SPSB2: variants seen among roughly 807,000 people sequenced by gnomAD.
The protein encoded by SPSB2 is SPRY domain-containing SOCS box protein 2.
In SPSB2, 25 loss-of-function variants were observed where a neutral mutation model predicts 19.2. That is an observed-to-expected ratio of 1.30 (90% CI 0.95 to 1.82). The LOEUF (loss-of-function observed/expected upper bound fraction) is 1.82, where lower values mean the gene tolerates loss of function less well. Among genes scored for constraint, SPSB2 ranks in the 40% most tolerant of loss-of-function variants. The pLI is 0.00. For missense variants in SPSB2, 413 were observed against 344.9 expected, an observed-to-expected ratio of 1.20 and a Z score of -1.56; for synonymous variants, 153 against 154.9, an observed-to-expected ratio of 0.99 and a Z score of 0.09.
At chr12:6,871,656 C>T in intron 2 of SPSB2, 1 of 397,434 alleles carries the variant, frequency 2.5e-6, no homozygotes, top group Non-Finnish European at 4.6e-6. Context: ...GCCCACACAA[C>T]TGCAGAGAGC....
rs1944623777 is a variant in SPSB2 at position 6,872,713 on chromosome 12, C to CCGCCG, written c.188_189insCGGCG (p.Leu64GlyfsTer36). ...CCACGGGCCGCCGCTCAAAGTACAA[C>CCGCCG]CCTCCTTCCTTGACCTCGATGTTCT... On this transcript the variant is annotated frameshift_variant, in exon 2 of 3. Transcript: ENST00000524270. LOFTEE classifies it high-confidence loss of function. 1 of 1,612,978 alleles carries CCGCCG rather than the reference C, an allele frequency of 6.2e-7. No individual in the cohort carries two copies. Among genetic ancestry groups the CCGCCG allele is most frequent in the East Asian group, 2.2e-5 (1 of 44,892 alleles).
At chr12:6,871,391 C>T in intron 2 of SPSB2, 72 bp from the exon 3 acceptor site, 1 of 1,506,798 alleles carries the variant, frequency 6.6e-7, no homozygotes, top group Non-Finnish European at 9.0e-7. Context: ...CTACGGGGTC[C>T]TACTCAGATG....
At position 6,872,675 on chromosome 12, in the gene SPSB2, T is replaced by C; in HGVS notation, c.227A>G (p.Asp76Gly). The C allele has an allele frequency of 6.2e-7, 1 of 1,612,578 alleles. No homozygotes were observed. The highest frequency in any genetic ancestry group is 8.5e-7 in the Non-Finnish European group (1 of 1,179,990). Reference protein sequence around the residue: ...FERRPVAQSTDGARGKRGYSR... With the variant: ...FERRPVAQSTGGARGKRGYSR... ...ATAGCCCCTCTTACCCCGGGCCCCATCAGTGCTCTGGGCCACGGGCCGCCG... is the reference window on the plus strand; with the variant it reads ...ATAGCCCCTCTTACCCCGGGCCCCACCAGTGCTCTGGGCCACGGGCCGCCG... The change falls in exon 2 of 3, where the codon GAT (aspartate) becomes GGT (glycine). Residue 76 changes from aspartate (D) to glycine (G), a missense_variant. Transcript: ENST00000524270.
rs1323798255 is a variant in SPSB2 at position 6,872,528 on chromosome 12, C to T, written c.374G>A (p.Gly125Asp). 1.2e-6 allele frequency: 2 copies of T among 1,611,398 alleles called. No homozygotes were observed. The highest frequency in any genetic ancestry group is 2.7e-5 in the African/African-American group (2 of 74,944). The change falls in exon 2 of 3, where the codon GGC becomes GAC. Residue 125 changes from glycine (G) to aspartate (D), a missense_variant. Coordinates refer to ENST00000524270, the MANE Select transcript of SPSB2 (RefSeq NM_032641.4). Reference protein sequence around the residue: ...LQTDHYAALLGSNSESWGWDI... With the variant: ...LQTDHYAALLDSNSESWGWDI... ...CCAGCCCCACGACTCGCTGTTGCTG[C>T]CCAGCAGCGCCGCGTAGTGGTCAGT...
In SPSB2 at chr12:6,872,589, C is replaced by A. The variant is rs782359822; in HGVS notation, c.313G>T (p.Val105Leu). ...GCGAGGGCCGTGGCCACGCCCACCACGGCATGCGTGCCCCTCTGCTCTAGG... is the reference window on the plus strand; with the variant it reads ...GCGAGGGCCGTGGCCACGCCCACCAAGGCATGCGTGCCCCTCTGCTCTAGG... ...WPLEQRGTHAVVGVATALAPL... is the reference protein window; with the variant it reads ...WPLEQRGTHALVGVATALAPL... The change falls in exon 2 of 3, where the codon GTG becomes TTG. Residue 105 changes from valine (V) to leucine (L), a missense_variant. By Grantham distance (32) the Val-to-Leu change is conservative. Transcript: ENST00000524270. 6.2e-7 allele frequency: 1 copy of A among 1,608,002 alleles called. No individual in the cohort carries two copies. Among genetic ancestry groups the A allele is most frequent in the Admixed American group, 1.7e-5 (1 of 59,940 alleles).
In SPSB2 at chr12:6,872,711, A is replaced by G. The variant is rs1267725305; in HGVS notation, c.191T>C (p.Leu64Ser). Residue 64 changes from leucine (L) to serine (S), a missense_variant, in exon 2 of 3, where the codon TTG becomes TCG. Coordinates refer to ENST00000524270, the MANE Select transcript of SPSB2 (RefSeq NM_032641.4). ...SENIEVKEGG[L>S]YFERRPVAQS... ...GGCCACGGGCCGCCGCTCAAAGTAC[A>G]ACCCTCCTTCCTTGACCTCGATGTT... 16 of 1,612,844 alleles carry G rather than the reference A, an allele frequency of 9.9e-6. No homozygotes were observed. Among genetic ancestry groups the G allele is most frequent in the African/African-American group, 2.7e-5 (2 of 74,950 alleles).
intron 2 of SPSB2, 162 bp downstream of exon 2, chr12:6,872,076 T>A: frequency 3.2e-6 from 5 of 1,572,460 alleles, no homozygotes; most frequent in Non-Finnish European, 4.3e-6. Context: ...TGGGTTAAAT[T>A]AAATAACAGC....
At chr12:6,872,032 T>A (rs1944605524) in intron 2 of SPSB2, 2 of 1,481,030 alleles carry the variant, frequency 1.4e-6, no homozygotes, top group African/African-American at 2.8e-5. Context: ...TTGAGAAAGT[T>A]GCTTTCTCAA....
At position 6,872,585 on chromosome 12, in the gene SPSB2, A is replaced by ACCACGGCATGCGTG. The variant is rs781929631; in HGVS notation, c.303_316dup (p.Val106AlafsTer94). 49 of 1,607,928 alleles carry ACCACGGCATGCGTG rather than the reference A, an allele frequency of 3.0e-5. No homozygotes were observed. Among genetic ancestry groups the ACCACGGCATGCGTG allele is most frequent in the Non-Finnish European group, 4.1e-5 (48 of 1,178,752 alleles). On this transcript the variant is annotated frameshift_variant, in exon 2 of 3. Transcript: ENST00000524270. LOFTEE classifies it high-confidence loss of function. ...CGGGGCGAGGGCCGTGGCCACGCCC[A>ACCACGGCATGCGTG]CCACGGCATGCGTGCCCCTCTGCTC...
rs782599241 is a variant in SPSB2, at chr12:6,871,323, G to A, written c.665-4C>T. ...TGCAGAAGGGAGTGTGGCTCCGCTGGGAGAGAGAAGGAGGGGAATGTAAGT... is the reference window on the plus strand; with the variant it reads ...TGCAGAAGGGAGTGTGGCTCCGCTGAGAGAGAGAAGGAGGGGAATGTAAGT... On this transcript the variant is annotated splice_polypyrimidine_tract_variant and splice_region_variant and intron_variant, in intron 2 of 2. Coordinates refer to ENST00000524270, the MANE Select transcript of SPSB2 (RefSeq NM_032641.4). The A allele has an allele frequency of 1.2e-6, 2 of 1,610,944 alleles. No homozygotes were observed. The highest frequency in any genetic ancestry group is 1.7e-6 in the Non-Finnish European group (2 of 1,178,738).
chr12:6,872,216 CCA>C lies in SPSB2; in HGVS notation c.664+20_664+21del, dbSNP rs1944609081. On this transcript the variant is annotated intron_variant, in intron 2 of 2. Transcript: ENST00000524270. ...TGCCACCAGGGACAGAAAGTTCTCC[CCA>C]CGTCTGCCCCAGGCCTCACCTCTCC... 5 of 1,613,894 alleles carry C rather than the reference CCA, an allele frequency of 3.1e-6. No individual in the cohort carries two copies. Among genetic ancestry groups the C allele is most frequent in the Non-Finnish European group, 4.2e-6 (5 of 1,180,042 alleles).
rs782610335 is a variant in SPSB2, at chr12:6,872,637, G to A, written c.265C>T (p.His89Tyr). Reference sequence around the variant, plus strand: ...AGGGGCCAGCTGATCTCCCAGGCGTGCAGGCCCCTTGAATAGCCCCTCTTA... The same window carrying A: ...AGGGGCCAGCTGATCTCCCAGGCGTACAGGCCCCTTGAATAGCCCCTCTTA... ...RGKRGYSRGL[H>Y]AWEISWPLEQ... The change falls in exon 2 of 3, where the codon CAC becomes TAC. Residue 89 changes from histidine to tyrosine, a missense_variant. Coordinates refer to ENST00000524270, the MANE Select transcript of SPSB2 (RefSeq NM_032641.4). 63 of 1,611,234 alleles carry A rather than the reference G, an allele frequency of 3.9e-5. No individual in the cohort carries two copies. The highest frequency in any genetic ancestry group is 4.5e-5 in the Non-Finnish European group (53 of 1,179,950).
Position 6,871,255 on chromosome 12 carries a change from CCGGGTATCCCCCAGGTTGTGGCGCA to C in SPSB2, c.704_728del (p.Val235GlyfsTer14). The stretch of plus-strand genomic sequence containing the variant: ...AGGGCAGGGCAGACACCTGGCCGAG[CCGGGTATCCCCCAGGTTGTGGCGCA>C]CACACAGGCGGCTCAGGTGCAGAAG... On this transcript the variant is annotated frameshift_variant, in exon 3 of 3. Coordinates refer to ENST00000524270, the MANE Select transcript of SPSB2 (RefSeq NM_032641.4). LOFTEE classifies it high-confidence loss of function. 6.2e-7 allele frequency: 1 copy of C among 1,613,762 alleles called. No homozygotes were observed. The highest frequency in any genetic ancestry group is 8.5e-7 in the Non-Finnish European group (1 of 1,179,890).
chr12:6,871,908 C>T (rs1161556026), intron 2 of SPSB2: 2 of 1,217,072 alleles, frequency 1.6e-6, no homozygotes, highest in East Asian at 5.2e-5. Flanking sequence ...GTACATCAAA[C>T]CCAGTACCTA....
chr12:6,871,762 G>T (rs781985907), intron 2 of SPSB2: 15 of 369,654 alleles, frequency 4.1e-5, no homozygotes, highest in Non-Finnish European at 7.4e-5. Context: ...CCTCCCTGGT[G>T]CCCAGGGCCC....
At position 6,872,721 on chromosome 12, in the gene SPSB2, C is replaced by T. The variant is rs1555134088; in HGVS notation, c.181G>A (p.Glu61Lys). 1.2e-6 allele frequency: 2 copies of T among 1,612,870 alleles called. No homozygotes were observed. Among genetic ancestry groups the T allele is most frequent in the African/African-American group, 1.3e-5 (1 of 74,958 alleles). Residue 61 changes from glutamate (E) to lysine (K), a missense_variant, in exon 2 of 3, where the codon GAA becomes AAA. Physicochemically the swap from Glu to Lys is moderately conservative, Grantham distance 56. Coordinates refer to ENST00000524270, the MANE Select transcript of SPSB2 (RefSeq NM_032641.4). ...KDCSENIEVK[E>K]GGLYFERRPV... Reference sequence around the variant, plus strand: ...CGCCGCTCAAAGTACAACCCTCCTTCCTTGACCTCGATGTTCTCTGAACAG... The same window carrying T: ...CGCCGCTCAAAGTACAACCCTCCTTTCTTGACCTCGATGTTCTCTGAACAG...
chr12:6,871,323 GGA>G lies in SPSB2; in HGVS notation c.665-6_665-5del, dbSNP rs199930041. On this transcript the variant is annotated splice_region_variant and splice_polypyrimidine_tract_variant and intron_variant, in intron 2 of 2. Coordinates refer to ENST00000524270, the MANE Select transcript of SPSB2 (RefSeq NM_032641.4). ...TGCAGAAGGGAGTGTGGCTCCGCTG[GGA>G]GAGAGAAGGAGGGGAATGTAAGTAT... 6.2e-7 allele frequency: 1 copy of G among 1,610,942 alleles called. No homozygotes were observed. The highest frequency in any genetic ancestry group is 8.5e-7 in the Non-Finnish European group (1 of 1,178,736).
In SPSB2 at chr12:6,872,580, C is replaced by A; in HGVS notation, c.322G>T (p.Val108Leu). ...EQRGTHAVVG[V>L]ATALAPLQTD... ...TGCAGCGGGGCGAGGGCCGTGGCCA[C>A]GCCCACCACGGCATGCGTGCCCCTC... Residue 108 changes from valine to leucine, a missense_variant, in exon 2 of 3, where the codon GTG becomes TTG. Val to Leu is a conservative substitution (Grantham distance 32, BLOSUM62 1). Coordinates refer to ENST00000524270, the MANE Select transcript of SPSB2 (RefSeq NM_032641.4). The A allele has an allele frequency of 1.9e-6, 3 of 1,607,964 alleles. No homozygotes were observed. The highest frequency in any genetic ancestry group is 2.5e-6 in the Non-Finnish European group (3 of 1,178,750).
At position 6,872,670 on chromosome 12, in the gene SPSB2, C is replaced by T; in HGVS notation, c.232G>A (p.Ala78Thr). ...CTTGAATAGCCCCTCTTACCCCGGG[C>T]CCCATCAGTGCTCTGGGCCACGGGC... ...RRPVAQSTDG[A>T]RGKRGYSRGL... is the part of the protein sequence containing the mutation. Residue 78 changes from alanine (A) to threonine (T), a missense_variant, in exon 2 of 3, where the codon GCC becomes ACC. Ala to Thr is a moderately conservative substitution (Grantham distance 58, BLOSUM62 0). Coordinates refer to ENST00000524270, the MANE Select transcript of SPSB2 (RefSeq NM_032641.4). 6.2e-7 allele frequency: 1 copy of T among 1,612,530 alleles called. No homozygotes were observed. The highest frequency in any genetic ancestry group is 1.1e-5 in the South Asian group (1 of 91,092).
Sources: allele counts gnomAD v4.1 joint callset, GRCh38; gene constraint gnomAD v4.1.1; transcripts MANE v1.5; gene names NCBI Gene and HGNC (gene_info 2026-07-23, HGNC 2026-07-21).